Variants in SDK2 observed in about 807,000 individuals in gnomAD.
SDK2 encodes the protein sidekick cell adhesion molecule 2.
Under a neutral mutation model 253.9 loss-of-function variants are expected in SDK2, and 105 were observed. The ratio of observed to expected loss-of-function variants is 0.41; its 90% confidence interval spans 0.35 to 0.49. The LOEUF (loss-of-function observed/expected upper bound fraction) is 0.49, where lower values mean the gene tolerates loss of function less well. Ranked by LOEUF, SDK2 falls within the 20% of genes least tolerant of loss-of-function variation. The pLI, the probability that SDK2 is intolerant of heterozygous loss-of-function variation, is 0.06. For missense variants in SDK2, 2,608 were observed against 3,003.0 expected, an observed-to-expected ratio of 0.87 and a Z score of 3.07; for synonymous variants, 1,249 against 1,234.9, an observed-to-expected ratio of 1.01 and a Z score of -0.24.
intron 40 of SDK2, among the ~76,000 whole-genome samples, chr17:73,353,540 C>A (rs1281257254): frequency 1.3e-5 from 2 of 152,048 alleles, no homozygotes; most frequent in African/African-American, 4.8e-5. Flanking sequence ...CCTGCCTCAG[C>A]TTTCCAAATC....
rs192565956 is a variant in SDK2, at chr17:73,631,184, C to T, written c.64+12841G>A. ...CATTTTTCACCCAGTGATGCGCAGG[C>T]GGATAATGAGCTTGGAGCCCAGCTA... On this transcript the variant is annotated intron_variant, in intron 1 of 44. Transcript: ENST00000392650. Among the ~76,000 whole-genome samples, 9 of 152,302 alleles carry T rather than the reference C, an allele frequency of 5.9e-5. No homozygotes were observed. The East Asian group carries it at 1.5e-3, about 26-fold the overall frequency.
intron 2 of SDK2, among the ~76,000 whole-genome samples, chr17:73,505,220 G>T (rs1372948771): frequency 6.6e-6 from 1 of 152,210 alleles, no homozygotes; most frequent in Non-Finnish European, 1.5e-5. Context: ...ATGAGAGGCA[G>T]TGTGGTGGAT....
At chr17:73,424,386 C>T (rs1027465544) in intron 12 of SDK2, among the ~76,000 whole-genome samples, 2 of 152,092 alleles carry the variant, frequency 1.3e-5, no homozygotes, top group African/African-American at 2.4e-5. Flanking sequence ...TGCTTCTGGC[C>T]AGAAGCGCTT....
intron 4 of SDK2, among the ~76,000 whole-genome samples, chr17:73,454,643 C>T (rs1312681829): frequency 6.6e-6 from 1 of 152,232 alleles, no homozygotes; most frequent in Non-Finnish European, 1.5e-5. Context: ...GTGCTTAGCT[C>T]AGTCCTCAGG....
chr17:73,370,179 G>A (rs939592719), intron 36 of SDK2, among the ~76,000 whole-genome samples: 1 of 152,210 alleles, frequency 6.6e-6, no homozygotes, highest in African/African-American at 2.4e-5. Flanking sequence ...TGGCATGTAT[G>A]GGTGGCAGTT....
Position 73,338,622 on chromosome 17 carries a change from G to C in SDK2, c.6484C>G (p.Arg2162Gly). 6.5e-7 allele frequency: 1 copy of C among 1,529,922 alleles called. No individual in the cohort carries two copies. Among genetic ancestry groups the C allele is most frequent in the African/African-American group, 1.4e-5 (1 of 72,042 alleles). 94.8% of individuals were successfully genotyped at this position (1,529,922 alleles called of 1,614,324 possible). Residue 2162 changes from arginine to glycine, a missense_variant, in exon 45 of 45, where the codon CGG becomes GGG. Arg to Gly is a moderately radical substitution (Grantham distance 125). This residue lies in a region of SDK2 where 1,103 missense variants were observed against 1,143.9 expected (regional missense o/e 0.96). Transcript: ENST00000392650. The surrounding 1 kb of genome is among the most constrained non-coding windows in gnomAD (Gnocchi z 5.0). ...GATGAAAATCCTGCTATGGGAGCCC[G>C]GGAGCCTGGGGCCAGGCTGCTGGGG... The part of the protein sequence containing the change: ...RPPSSLAPGS[R>G]APIAGFSSFV
chr17:73,388,406 T>G (rs1051157436), intron 29 of SDK2, among the ~76,000 whole-genome samples: 2 of 152,184 alleles, frequency 1.3e-5, no homozygotes, highest in African/African-American at 4.8e-5. Flanking sequence ...ATGAGGTTGT[T>G]TCCCTACGAG....
chr17:73,522,222 T>C (rs2064085690), intron 1 of SDK2, among the ~76,000 whole-genome samples: 1 of 152,218 alleles, frequency 6.6e-6, no homozygotes, highest in Non-Finnish European at 1.5e-5. Flanking sequence ...TTGGCGGAGC[T>C]CCAGGGTGGG....
intron 1 of SDK2, among the ~76,000 whole-genome samples, chr17:73,546,086 G>C (rs1400121571): frequency 6.6e-6 from 1 of 152,044 alleles, no homozygotes; most frequent in Non-Finnish European, 1.5e-5. Context: ...GAAAGTGTTG[G>C]GGGAAGGAGT....
At chr17:73,461,510 A>G (rs2063562377) in intron 3 of SDK2, among the ~76,000 whole-genome samples, 1 of 152,228 alleles carries the variant, frequency 6.6e-6, no homozygotes, top group South Asian at 2.1e-4. Context: ...CTAGGGGTGT[A>G]TATGGGAATG....
intron 1 of SDK2, among the ~76,000 whole-genome samples, chr17:73,579,007 T>C (rs1681472): frequency 0.41 from 62,725 of 151,910 alleles, 13,702 homozygotes; most frequent in African/African-American, 0.56. Context: ...GGGGCACCCC[T>C]TGTCGGCCGG....
intron 36 of SDK2, among the ~76,000 whole-genome samples, chr17:73,371,337 G>A (rs995901732): frequency 1.3e-5 from 2 of 152,152 alleles, no homozygotes; most frequent in Non-Finnish European, 2.9e-5. Context: ...ATCCCTGGGG[G>A]CCTCCAGCAT....
chr17:73,549,673 G>A (rs755566750), intron 1 of SDK2, among the ~76,000 whole-genome samples: 8 of 152,012 alleles, frequency 5.3e-5, no homozygotes, highest in African/African-American at 1.7e-4. Context: ...AGTTTTAGGC[G>A]AGGTGAACAC....
At chr17:73,608,949 C>T (rs1389998194) in intron 1 of SDK2, among the ~76,000 whole-genome samples, 1 of 152,156 alleles carries the variant, frequency 6.6e-6, no homozygotes. Flanking sequence ...CAACTGAACT[C>T]TACATATACG....
At chr17:73,439,639 C>T (rs1458082511) in intron 6 of SDK2, among the ~76,000 whole-genome samples, 2 of 152,210 alleles carry the variant, frequency 1.3e-5, no homozygotes, top group East Asian at 1.9e-4. Flanking sequence ...ATCAGTCTAA[C>T]CCCCTGCCCA....
intron 1 of SDK2, among the ~76,000 whole-genome samples, chr17:73,591,296 TA>T (rs1279928640): frequency 6.6e-6 from 1 of 152,180 alleles, no homozygotes. Context: ...AAGCCCCTAA[TA>T]AAACCCTATG....
intron 40 of SDK2, among the ~76,000 whole-genome samples, chr17:73,356,649 TCAAA>T (rs1341820401): frequency 1.3e-5 from 2 of 152,166 alleles, no homozygotes; most frequent in Non-Finnish European, 2.9e-5. Flanking sequence ...CAGCCTGCTC[TCAAA>T]CAGCCTTAGG....
intron 18 of SDK2, among the ~76,000 whole-genome samples, chr17:73,409,643 G>GAA (rs942631534): frequency 1.1e-3 from 161 of 143,520 alleles, no homozygotes; most frequent in African/African-American, 3.9e-3. Context: ...AAAAAAGGAA[G>GAA]AAAAAAAAAA....
intron 29 of SDK2, 31 bp from the exon 30 acceptor site, chr17:73,388,068 G>A (rs1412306593): frequency 6.6e-7 from 1 of 1,514,540 alleles, no homozygotes; most frequent in Non-Finnish European, 8.9e-7. Flanking sequence ...AGGAGCAGGT[G>A]AGTGGGCCAG....
Sources: allele counts gnomAD v4.1 joint callset (sites outside exome capture counted in the v4.1 genomes callset), GRCh38; gene constraint gnomAD v4.1.1; regional missense constraint gnomAD v4.1.1; non-coding constraint Gnocchi (gnomAD v3.1); transcripts MANE v1.5; gene names NCBI Gene and HGNC (gene_info 2026-07-23, HGNC 2026-07-21).